LMBR1: variants seen among roughly 807,000 people sequenced by gnomAD.
LMBR1 encodes limb region 1 protein homolog.
In LMBR1, 52 loss-of-function variants were observed where a neutral mutation model predicts 73.9. The observed-to-expected ratio is 0.70, with a 90% CI of 0.56 to 0.89. The LOEUF is 0.89. LMBR1 is among the 40% of genes least tolerant of loss of function. The pLI is 0.00. For missense variants in LMBR1, 539 were observed against 579.8 expected (o/e 0.93, Z 0.72); for synonymous variants, 215 against 209.4 (o/e 1.03, Z -0.23).
intron 5 of LMBR1, among the ~76,000 whole-genome samples, chr7:156,770,664 A>C (rs1825007856): frequency 6.6e-6 from 1 of 152,196 alleles, no homozygotes; most frequent in Non-Finnish European, 1.5e-5. Context: ...TTGTAATCCT[A>C]GTACTTTTAA....
chr7:156,675,032 G>A (rs574767049), downstream of LMBR1, among the ~76,000 whole-genome samples: 77 of 152,300 alleles, frequency 5.1e-4, no homozygotes, highest in African/African-American at 1.7e-3. Context: ...TAAGCTTAAC[G>A]AGAAAATTAC....
chr7:156,764,476 C>T (rs1394307748), intron 5 of LMBR1, among the ~76,000 whole-genome samples: 1 of 152,066 alleles, frequency 6.6e-6, no homozygotes, highest in Admixed American at 6.5e-5. Flanking sequence ...ACTTTTAAAA[C>T]TTAAAAACTG....
At chr7:156,776,189 A>C (rs1826109976) in intron 5 of LMBR1, among the ~76,000 whole-genome samples, 2 of 151,576 alleles carry the variant, frequency 1.3e-5, no homozygotes, top group South Asian at 4.1e-4. Flanking sequence ...CACTATAATG[A>C]CTCAAACTAT....
chr7:156,808,045 C>G (rs1419164178), intron 4 of LMBR1, among the ~76,000 whole-genome samples: 1 of 152,016 alleles, frequency 6.6e-6, no homozygotes, highest in Non-Finnish European at 1.5e-5. Flanking sequence ...AATGTGATCT[C>G]TCTTGGTAAA....
intron 1 of LMBR1, among the ~76,000 whole-genome samples, chr7:156,861,134 C>T (rs1382668343): frequency 6.6e-6 from 1 of 152,238 alleles, no homozygotes; most frequent in Non-Finnish European, 1.5e-5. Context: ...CATGAGGGCC[C>T]AGCCCCTGAA....
intron 9 of LMBR1, among the ~76,000 whole-genome samples, chr7:156,751,653 A>G (rs543076744): frequency 6.6e-6 from 1 of 152,342 alleles, no homozygotes; most frequent in Non-Finnish European, 1.5e-5. Flanking sequence ...GGTGAGGCAC[A>G]GTCAGATTCT....
At chr7:156,758,518 T>C (rs1822347836) in intron 8 of LMBR1, among the ~76,000 whole-genome samples, 1 of 152,198 alleles carries the variant, frequency 6.6e-6, no homozygotes, top group South Asian at 2.1e-4. Context: ...GGGGTGGATC[T>C]CTCATGAATA....
chr7:156,783,887 T>C (rs1160441546), intron 5 of LMBR1, among the ~76,000 whole-genome samples: 1 of 152,214 alleles, frequency 6.6e-6, no homozygotes, highest in African/African-American at 2.4e-5. Flanking sequence ...TCAAAGTGTA[T>C]GTGTAGAATT....
chr7:156,872,028 T>C (rs770492523), intron 1 of LMBR1: 4 of 152,172 alleles, frequency 2.6e-5, no homozygotes, highest in Admixed American at 6.5e-5. Context: ...TAATCTTAGA[T>C]ATAAAAAACC....
intron 1 of LMBR1, among the ~76,000 whole-genome samples, chr7:156,885,358 A>G (rs1276651660): frequency 1.7e-5 from 2 of 118,212 alleles, no homozygotes; most frequent in Non-Finnish European, 3.7e-5. Flanking sequence ...GTGTAAAAGA[A>G]AAAAAAAAAA....
chr7:156,749,509 G>T (rs1354341900), intron 9 of LMBR1, among the ~76,000 whole-genome samples: 3 of 152,112 alleles, frequency 2.0e-5, no homozygotes, highest in Non-Finnish European at 4.4e-5. Context: ...GACACTAAGT[G>T]CTTCTGACAG....
downstream of LMBR1, chr7:156,676,413 C>A: frequency 6.2e-7 from 1 of 1,614,062 alleles, no homozygotes; most frequent in South Asian, 1.1e-5. Context: ...GTCCTGTGTG[C>A]CGCAGGCTCT....
intron 5 of LMBR1, among the ~76,000 whole-genome samples, chr7:156,766,257 A>G (rs1423623934): frequency 6.6e-6 from 1 of 152,018 alleles, no homozygotes; most frequent in African/African-American, 2.4e-5. Context: ...GAAGCAAAGG[A>G]GAGGTTTGTT....
chr7:156,830,423 CAAG>C (rs778337130), intron 3 of LMBR1, among the ~76,000 whole-genome samples: 2 of 152,084 alleles, frequency 1.3e-5, no homozygotes, highest in Admixed American at 6.5e-5. Context: ...AATATCTAAT[CAAG>C]AAGTACATAT....
In LMBR1 at chr7:156,670,090, TTA is replaced by T. The variant is rs1477568481; in HGVS notation, n.867-805_867-804del. On this transcript the variant is annotated intron_variant and non_coding_transcript_variant, in intron 4 of 4. Coordinates refer to the LMBR1 transcript ENST00000430825. The surrounding 1 kb of genome is among the most constrained non-coding windows in gnomAD (Gnocchi z 4.3). Reference sequence around the variant, plus strand: ...CTAAGAAAAAATTAAATTATAAATTTTATGACTTTCACAGTGCATCTTTACAC... The same window carrying T: ...CTAAGAAAAAATTAAATTATAAATTTTGACTTTCACAGTGCATCTTTACAC... Among the ~76,000 whole-genome samples the T allele has an allele frequency of 2.0e-5, 3 of 152,262 alleles. No individual in the cohort carries two copies. Among genetic ancestry groups the T allele is most frequent in the Non-Finnish European group, 4.4e-5 (3 of 68,040 alleles).
intron 5 of LMBR1, among the ~76,000 whole-genome samples, chr7:156,776,082 A>G (rs1826082806): frequency 1.3e-5 from 2 of 148,444 alleles, no homozygotes; most frequent in African/African-American, 2.4e-5. Context: ...TAAATTATAC[A>G]TATTTTATAC....
At chr7:156,735,454 T>C (rs1817673799) in intron 9 of LMBR1, among the ~76,000 whole-genome samples, 1 of 151,938 alleles carries the variant, frequency 6.6e-6, no homozygotes, top group Non-Finnish European at 1.5e-5. Flanking sequence ...TGGATCTTCG[T>C]ATTCTTTATA....
In LMBR1 at chr7:156,764,036, G is replaced by T. The variant is rs893290072; in HGVS notation, c.424-241C>A. On this transcript the variant is annotated intron_variant, in intron 5 of 16. Transcript: ENST00000353442. ...AAATTCTTCATAAAAAACATCTGCA[G>T]AGCCATTTTTAACAATTACTTTCCT... Among the ~76,000 whole-genome samples, 5 of 152,178 alleles carry T rather than the reference G, an allele frequency of 3.3e-5. No individual in the cohort carries two copies. Among genetic ancestry groups the T allele is most frequent in the Non-Finnish European group, 7.3e-5 (5 of 68,034 alleles).
At chr7:156,724,037 A>C in intron 15 of LMBR1, 75 bp downstream of exon 15, 1 of 1,019,000 alleles carries the variant, frequency 9.8e-7, no homozygotes, top group Non-Finnish European at 1.5e-6. Context: ...TTTATGAGTA[A>C]ATGTTAAATA....
Sources: allele counts gnomAD v4.1 joint callset (sites outside exome capture counted in the v4.1 genomes callset), GRCh38; gene constraint gnomAD v4.1.1; non-coding constraint Gnocchi (gnomAD v3.1); transcripts MANE v1.5; gene names NCBI Gene and HGNC (gene_info 2026-07-23, HGNC 2026-07-21).